Variants in XIRP2 observed in about 807,000 individuals in gnomAD.
The protein encoded by XIRP2 is xin actin binding repeat containing 2, also known as xin actin-binding repeat-containing protein 2.
A neutral mutation model predicts 277.0 loss-of-function variants in XIRP2; 236 were observed. The observed-to-expected ratio is 0.85, with a 90% CI of 0.77 to 0.95. The LOEUF is 0.95. XIRP2 is among the 40% of genes least tolerant of loss of function. The pLI, the probability that XIRP2 is intolerant of heterozygous loss-of-function variation, is 0.00. For synonymous variants in XIRP2, 1,490 were observed against 1,416.5 expected (o/e 1.05, Z -1.17); for missense variants, 4,640 against 4,157.5 (o/e 1.12, Z -3.19).
chr2:167,200,945 G>C (rs1003212398), intron 3 of XIRP2, among the ~76,000 whole-genome samples: 5 of 151,748 alleles, frequency 3.3e-5, no homozygotes, highest in South Asian at 4.2e-4. Flanking sequence ...GGCCAACATG[G>C]TGAAACTCTG....
intron 4 of XIRP2, among the ~76,000 whole-genome samples, chr2:167,214,920 A>G (rs908809460): frequency 2.0e-5 from 3 of 152,136 alleles, no homozygotes; most frequent in Admixed American, 2.0e-4. Context: ...TGTCCAGTAT[A>G]AGAATTGATC....
Position 167,250,809 on chromosome 2 carries a change from C to T in XIRP2, c.9417C>T (p.Asn3139=), listed in dbSNP as rs556211010. 11 of 1,613,322 alleles carry T rather than the reference C, an allele frequency of 6.8e-6. No individual in the cohort carries two copies. The highest frequency in any genetic ancestry group is 1.3e-5 in the African/African-American group (1 of 74,760). ...GACGAACAGAAAACCCTACTAAGAACGAGCTTTCTCAGTCCCCTAAAAAGG... is the reference window on the plus strand; with the variant it reads ...GACGAACAGAAAACCCTACTAAGAATGAGCTTTCTCAGTCCCCTAAAAAGG... The part of the protein sequence containing the change: ...TARRTENPTK[N]ELSQSPKKDS... Residue 3139 remains asparagine, a synonymous_variant, in exon 9 of 11, where the codon AAC becomes AAT. Transcript: ENST00000409195.
chr2:167,129,491 G>A (rs193158356), intron 2 of XIRP2, among the ~76,000 whole-genome samples: 5 of 152,032 alleles, frequency 3.3e-5, no homozygotes, highest in African/African-American at 4.8e-5. Flanking sequence ...TAGACATTGG[G>A]TTGTATTAAA....
In XIRP2 at chr2:166,903,767, G is replaced by A. The variant is rs577295431; in HGVS notation, c.285G>A (p.Val95=). 1.1e-5 allele frequency: 18 copies of A among 1,613,722 alleles called. No individual in the cohort carries two copies. In the East Asian group the frequency reaches 2.0e-4, roughly 18 times the overall value. The change falls in exon 2 of 11, where the codon GTG becomes GTA. Residue 95 remains valine, a synonymous_variant. Coordinates refer to ENST00000409195, the MANE Select transcript of XIRP2 (RefSeq NM_152381.6). ...CCAGGGAATATGGTCGGCCAGAAGT[G>A]CTGAAGGAGGATTCCCTGAGCAGTC... is the stretch of plus-strand genomic sequence containing the variant. ...NNTREYGRPE[V]LKEDSLSSRR... is the part of the protein sequence containing the mutation.
Position 167,258,155 on chromosome 2 carries a change from G to C in XIRP2, c.*338G>C. The C allele has an allele frequency of 6.2e-7, 1 of 1,613,056 alleles. No individual in the cohort carries two copies. The highest frequency in any genetic ancestry group is 2.2e-5 in the East Asian group (1 of 44,794). ...ATTAGGGGAAAGGGGAAAATTAAAA[G>C]TCATTTGGCCTCCTTCCAAGGAGAT... On this transcript the variant is annotated 3_prime_UTR_variant, in exon 11 of 11. Coordinates refer to ENST00000409195, the MANE Select transcript of XIRP2 (RefSeq NM_152381.6).
rs1458891807 is a variant in XIRP2, at chr2:167,258,621, A to T, written c.*804A>T. 6.2e-7 allele frequency: 1 copy of T among 1,612,664 alleles called. No individual in the cohort carries two copies. Among genetic ancestry groups the T allele is most frequent in the Non-Finnish European group, 8.5e-7 (1 of 1,179,484 alleles). On this transcript the variant is annotated 3_prime_UTR_variant, in exon 11 of 11. Coordinates refer to ENST00000409195, the MANE Select transcript of XIRP2 (RefSeq NM_152381.6). ...GAAGTTTTACAGGTTACTAACACTGATGATGAGATGATGCCAGAAAATCAT... is the reference window on the plus strand; with the variant it reads ...GAAGTTTTACAGGTTACTAACACTGTTGATGAGATGATGCCAGAAAATCAT...
chr2:167,249,776 A>G lies in XIRP2; in HGVS notation c.8384A>G (p.Asp2795Gly), dbSNP rs755604110. The G allele has an allele frequency of 3.1e-6, 5 of 1,613,474 alleles. No individual in the cohort carries two copies. Among genetic ancestry groups the G allele is most frequent in the Non-Finnish European group, 4.2e-6 (5 of 1,179,756 alleles). ...GAATCCATACAGAAGAACCAGGAAG[A>G]TAAGCTCAAGATGGTTCCCAGGAAG... Reference protein sequence around the residue: ...PTESIQKNQEDKLKMVPRKQR... With the variant: ...PTESIQKNQEGKLKMVPRKQR... The change falls in exon 9 of 11, where the codon GAT becomes GGT. Residue 2795 changes from aspartate (D) to glycine (G), a missense_variant. By Grantham distance (94) the Asp-to-Gly change is moderately conservative. Transcript: ENST00000409195.
chr2:167,193,602 G>A lies in XIRP2; in HGVS notation c.563-17133G>A, dbSNP rs1453012664. On this transcript the variant is annotated intron_variant, in intron 3 of 10. Coordinates refer to ENST00000409195, the MANE Select transcript of XIRP2 (RefSeq NM_152381.6). ...CGTTAACCTTGAGTAGAGAGGCTGG[G>A]CATGGTGCCTCACACCTGAAATCCC... Among the ~76,000 whole-genome samples the A allele has an allele frequency of 2.6e-5, 4 of 152,248 alleles. No individual in the cohort carries two copies. In the South Asian group the frequency reaches 6.2e-4, roughly 24 times the overall value.
intron 5 of XIRP2, among the ~76,000 whole-genome samples, chr2:167,237,054 C>G (rs1366348173): frequency 6.6e-6 from 1 of 152,046 alleles, no homozygotes; most frequent in South Asian, 2.1e-4. Context: ...TGCATTGATG[C>G]TAACATACCA....
At chr2:166,889,009 C>T (rs1027457198) in intron 1 of XIRP2, among the ~76,000 whole-genome samples, 26 of 152,058 alleles carry the variant, frequency 1.7e-4, no homozygotes, top group Admixed American at 1.7e-3. Context: ...GAGGACTCGC[C>T]AGGGACAAAG....
At chr2:166,899,652 G>T (rs549657520) in intron 1 of XIRP2, among the ~76,000 whole-genome samples, 2 of 152,204 alleles carry the variant, frequency 1.3e-5, no homozygotes, top group Admixed American at 1.3e-4. Context: ...ATTTGGAGTT[G>T]GCAGTTAGTT....
chr2:166,946,626 C>T (rs971868375), intron 2 of XIRP2, among the ~76,000 whole-genome samples: 1 of 151,942 alleles, frequency 6.6e-6, no homozygotes. Context: ...TATAGACACT[C>T]ATAAGTATTC....
At chr2:167,036,792 G>T (rs956099397) in intron 2 of XIRP2, among the ~76,000 whole-genome samples, 1 of 152,122 alleles carries the variant, frequency 6.6e-6, no homozygotes, top group African/African-American at 2.4e-5. Context: ...CAGAATTCCT[G>T]CATGTTGTGG....
At chr2:167,075,082 G>A (rs566746832) in intron 2 of XIRP2, among the ~76,000 whole-genome samples, 4 of 152,328 alleles carry the variant, frequency 2.6e-5, no homozygotes, top group Non-Finnish European at 4.4e-5. Context: ...TTATTTGGAT[G>A]TGTATGTATG....
At position 167,251,392 on chromosome 2, in the gene XIRP2, A is replaced by C; in HGVS notation, c.10000A>C (p.Asn3334His). The C allele has an allele frequency of 6.2e-7, 1 of 1,613,624 alleles. No homozygotes were observed. Among genetic ancestry groups the C allele is most frequent in the Non-Finnish European group, 8.5e-7 (1 of 1,179,670 alleles). ...CGTGAATGACCCTGAAAATGAAATAAACAGATGGTTCAGGGAATTTGAGCA... is the reference window on the plus strand; with the variant it reads ...CGTGAATGACCCTGAAAATGAAATACACAGATGGTTCAGGGAATTTGAGCA... ...NFVNDPENEI[N>H]RWFREFEHGP... is the part of the protein sequence containing the mutation. Residue 3334 changes from asparagine to histidine, a missense_variant, in exon 9 of 11, where the codon AAC (asparagine) becomes CAC (histidine). Transcript: ENST00000409195.
rs527854818 is a variant in XIRP2 at position 167,244,624 on chromosome 2, A to C, written c.3232A>C (p.Ser1078Arg). The change falls in exon 9 of 11, where the codon AGT becomes CGT. Residue 1078 changes from serine (S) to arginine (R), a missense_variant. Transcript: ENST00000409195. ...TTTTAGTGATGTGGAAGAAACAGAA[A>C]GTAAAACTGAACAAACTAGAGATAT... is the stretch of plus-strand genomic sequence containing the variant. ...KYFSDVEETESKTEQTRDIVK... is the reference protein window; with the variant it reads ...KYFSDVEETERKTEQTRDIVK... 6.2e-7 allele frequency: 1 copy of C among 1,613,100 alleles called. No individual in the cohort carries two copies. The highest frequency in any genetic ancestry group is 1.1e-5 in the South Asian group (1 of 90,862).
chr2:167,004,405 C>T lies in XIRP2; in HGVS notation c.408+100515C>T, dbSNP rs146498813. ...AGCAGTTTTTATTAAAAACTATTTG[C>T]CAGACATTCTATTGATTAGTTTAAT... On this transcript the variant is annotated intron_variant, in intron 2 of 10. Transcript: ENST00000409195. 2.3e-4 allele frequency among the ~76,000 whole-genome samples: 35 copies of T among 151,914 alleles called. 1 individual carries two copies. The East Asian group carries it at 6.6e-3, about 29-fold the overall frequency.
chr2:167,039,154 G>A (rs576856170), intron 2 of XIRP2, among the ~76,000 whole-genome samples: 1 of 151,994 alleles, frequency 6.6e-6, no homozygotes, highest in Admixed American at 6.5e-5. Context: ...TGTAGAACAG[G>A]TACTTGTCAT....
chr2:167,184,435 A>C, intron 3 of XIRP2: 2 of 629,684 alleles, frequency 3.2e-6, no homozygotes, highest in Non-Finnish European at 5.8e-6. Flanking sequence ...GGAATTTAGG[A>C]AACATCTTAG....
Sources: gnomAD v4.1 joint callset for allele counts (sites outside exome capture counted in the v4.1 genomes callset) on GRCh38, gnomAD v4.1.1 for gene constraint, MANE v1.5 for transcripts, NCBI Gene and HGNC (gene_info 2026-07-23, HGNC 2026-07-21) for gene names.